ARSF: variants seen among roughly 807,000 people sequenced by gnomAD.
ARSF encodes the protein arylsulfatase F.
A neutral mutation model predicts 35.4 loss-of-function variants in ARSF; 33 were observed. The ratio of observed to expected loss-of-function variants is 0.93; its 90% CI spans 0.71 to 1.25. The LOEUF (loss-of-function observed/expected upper bound fraction) is 1.25, where lower values mean the gene tolerates loss of function less well. Among genes scored for constraint, ARSF ranks in the 50% most tolerant of loss-of-function variants. The pLI, the probability that ARSF is intolerant of heterozygous loss-of-function variation, is 0.00. For missense variants in ARSF, 501 were observed against 480.2 expected, an observed-to-expected ratio of 1.04 and a Z score of -0.40; for synonymous variants, 222 against 193.1, an observed-to-expected ratio of 1.15 and a Z score of -1.24.
chrX:3,064,476 T>C (rs1223647162), intron 1 of ARSF, among the ~76,000 whole-genome samples: 3 of 111,449 alleles, frequency 2.7e-5, no homozygotes, highest in Non-Finnish European at 5.7e-5. Context: ...CTAAAGAGCT[T>C]CTGCACAGCA....
Position 3,084,648 on chromosome X carries a change from C to G in ARSF, c.812C>G (p.Ala271Gly), listed in dbSNP as rs772387265. Residue 271 changes from alanine (A) to glycine (G), a missense_variant, in exon 6 of 11, where the codon GCG becomes GGG. Ala to Gly is a moderately conservative substitution (Grantham distance 60, BLOSUM62 0). Coordinates refer to ENST00000381127, the MANE Select transcript of ARSF (RefSeq NM_001201539.2). ...ERAGSIMVKE[A>G]ISFLERHSKE... is the part of the protein sequence containing the mutation. Reference sequence around the variant, plus strand: ...GCTGGATCCATTATGGTGAAGGAAGCGATTTCCTTTTTAGAAAGGTAAGCG... The same window carrying G: ...GCTGGATCCATTATGGTGAAGGAAGGGATTTCCTTTTTAGAAAGGTAAGCG... 1 of 1,163,375 alleles carries G rather than the reference C, an allele frequency of 8.6e-7. No individual in the cohort carries two copies. The highest frequency in any genetic ancestry group is 1.1e-6 in the Non-Finnish European group (1 of 874,616).
chrX:3,107,480 C>G (rs1280728046), intron 9 of ARSF, among the ~76,000 whole-genome samples: 2 of 111,456 alleles, frequency 1.8e-5, no homozygotes, highest in Non-Finnish European at 3.8e-5. Flanking sequence ...AGCAAATAGT[C>G]ATCCCTCTGA....
chrX:3,058,380 T>A (rs1391062578), intron 1 of ARSF: 3 of 135,130 alleles, frequency 2.2e-5, no homozygotes. Flanking sequence ...TCCTGGGAGG[T>A]CACCAAGCTG....
intron 1 of ARSF, among the ~76,000 whole-genome samples, chrX:3,053,599 TTTTA>T (rs1306735615): frequency 3.6e-5 from 4 of 109,654 alleles, no homozygotes; most frequent in Non-Finnish European, 7.6e-5. Context: ...TGTATTTTTA[TTTTA>T]TTTATTTATT....
At chrX:3,074,847 T>G (rs2090134563) in intron 3 of ARSF, among the ~76,000 whole-genome samples, 1 of 111,323 alleles carries the variant, frequency 9.0e-6, no homozygotes, top group Non-Finnish European at 1.9e-5. Flanking sequence ...TTAACCTACC[T>G]GTTCTCGACC....
intron 4 of ARSF, among the ~76,000 whole-genome samples, chrX:3,080,010 A>C: frequency 9.4e-6 from 1 of 106,189 alleles, no homozygotes; most frequent in Middle Eastern, 4.9e-3. Context: ...AGAGAAAAAA[A>C]AAAAAGAAAA....
intron 6 of ARSF, among the ~76,000 whole-genome samples, chrX:3,086,435 A>G (rs2147518760): frequency 8.9e-6 from 1 of 112,384 alleles, no homozygotes; most frequent in Admixed American, 9.5e-5. Context: ...GGACGTTGTG[A>G]CAATAAGCTC....
At position 3,103,777 on chromosome X, in the gene ARSF, G is replaced by C; in HGVS notation, c.1118G>C (p.Gly373Ala). 1 of 1,211,411 alleles carries C rather than the reference G, an allele frequency of 8.3e-7. No individual in the cohort carries two copies. Among genetic ancestry groups the C allele is most frequent in the Non-Finnish European group, 1.1e-6 (1 of 895,308 alleles). ...TGTCTTATAGGTGGAAAAGGCATGG[G>C]GGGCTGGGAAGGTGGAATCCGCGTC... is the stretch of plus-strand genomic sequence containing the variant. ...NGIYKGGKGM[G>A]GWEGGIRVPG... is the part of the protein sequence containing the mutation. Residue 373 changes from glycine (G) to alanine (A), a missense_variant, in exon 9 of 11, where the codon GGG becomes GCG. Transcript: ENST00000381127.
intron 9 of ARSF, among the ~76,000 whole-genome samples, chrX:3,104,420 T>G (rs2090399689): frequency 8.9e-6 from 1 of 112,062 alleles, no homozygotes; most frequent in Non-Finnish European, 1.9e-5. Flanking sequence ...TAGGGATGAA[T>G]AGTATTCCCT....
At chrX:3,072,199 A>G in intron 3 of ARSF, 24 bp downstream of exon 3, 2 of 1,199,151 alleles carry the variant, frequency 1.7e-6, no homozygotes, top group Non-Finnish European at 2.3e-6. Context: ...ATGGCCAGTC[A>G]TACGTTCGTC....
At chrX:3,065,552 G>A (rs1027642802) in intron 1 of ARSF, among the ~76,000 whole-genome samples, 1 of 107,718 alleles carries the variant, frequency 9.3e-6, no homozygotes, top group African/African-American at 3.4e-5. Flanking sequence ...CAGGAAAATC[G>A]TTTAAGACCA....
chrX:3,082,519 A>G (rs952973234), intron 5 of ARSF, among the ~76,000 whole-genome samples: 3 of 111,324 alleles, frequency 2.7e-5, no homozygotes, highest in Non-Finnish European at 5.7e-5. Flanking sequence ...TCTATCATGT[A>G]TCTATCTATC....
At chrX:3,100,640 C>T (rs2090369346) in intron 7 of ARSF, among the ~76,000 whole-genome samples, 1 of 111,190 alleles carries the variant, frequency 9.0e-6, no homozygotes, top group African/African-American at 3.3e-5. Flanking sequence ...CTCTGTCACC[C>T]AGGTTGGAGT....
chrX:3,069,871 T>C (rs1337904301), intron 2 of ARSF, among the ~76,000 whole-genome samples: 4 of 111,840 alleles, frequency 3.6e-5, no homozygotes, highest in African/African-American at 6.5e-5. Context: ...CTAATGCATG[T>C]TACCTCATCC....
chrX:3,102,900 G>C (rs751515960), intron 8 of ARSF, among the ~76,000 whole-genome samples: 1 of 106,990 alleles, frequency 9.3e-6, no homozygotes, highest in South Asian at 4.1e-4. Context: ...AACAGAGCGA[G>C]ACTCCATCTC....
At chrX:3,058,081 C>A (rs956852292) in intron 1 of ARSF, 2 of 112,434 alleles carry the variant, frequency 1.8e-5, no homozygotes, top group Admixed American at 1.9e-4. Context: ...CTAGTGTTTT[C>A]TTTTCCTGCC....
At chrX:3,055,783 C>T (rs1190376365) in intron 1 of ARSF, among the ~76,000 whole-genome samples, 2 of 111,206 alleles carry the variant, frequency 1.8e-5, no homozygotes, top group Admixed American at 1.9e-4. Context: ...CTTCAATAGC[C>T]CAGTGGCAAG....
intron 2 of ARSF, among the ~76,000 whole-genome samples, chrX:3,069,794 G>C (rs1395711446): frequency 9.5e-6 from 1 of 105,430 alleles, no homozygotes; most frequent in Admixed American, 1.0e-4. Context: ...TATAAACATT[G>C]CATAGATTTA....
At chrX:3,111,517 A>G (rs892008673) in intron 10 of ARSF, among the ~76,000 whole-genome samples, 1 of 110,850 alleles carries the variant, frequency 9.0e-6, no homozygotes, top group African/African-American at 3.3e-5. Context: ...AGCTATTTGT[A>G]ACTATGTAAC....
Sources: gnomAD v4.1 joint callset for allele counts (sites outside exome capture counted in the v4.1 genomes callset) on GRCh38, gnomAD v4.1.1 for gene constraint, MANE v1.5 for transcripts, NCBI Gene and HGNC (gene_info 2026-07-23, HGNC 2026-07-21) for gene names.